ZNF385D: variants seen among roughly 807,000 people sequenced by gnomAD.
The protein encoded by ZNF385D is zinc finger protein 385D.
ZNF385D carries 15 observed loss-of-function variants against 35.8 expected under a neutral mutation model. That is an observed-to-expected ratio of 0.42 (90% CI 0.28 to 0.64). The LOEUF is 0.64. Ranked by LOEUF, ZNF385D falls within the 30% of genes least tolerant of loss-of-function variation. ZNF385D has a pLI of 0.23. For missense variants in ZNF385D, 474 were observed against 494.6 expected (o/e 0.96, Z 0.39); for synonymous variants, 212 against 186.8 (o/e 1.13, Z -1.10).
At chr3:21,600,676 CAAAA>C (rs775024971) in intron 2 of ZNF385D, among the ~76,000 whole-genome samples, 12 of 150,882 alleles carry the variant, frequency 8.0e-5, no homozygotes, top group Admixed American at 4.0e-4. Flanking sequence ...CCTAACAAAA[CAAAA>C]AAACACACAG....
At chr3:22,008,355 A>ATTTTAATTTTT (rs1231585708) in intron 3 of ZNF385D, among the ~76,000 whole-genome samples, 2 of 59,708 alleles carry the variant, frequency 3.3e-5, no homozygotes, top group African/African-American at 9.7e-5. Context: ...ACAGGCCATG[A>ATTTTAATTTTT]TTTTCTTTTT....
At position 22,328,941 on chromosome 3, in the gene ZNF385D, G is replaced by A. The variant is rs533783443; in HGVS notation, c.106+43509C>T. On this transcript the variant is annotated intron_variant, in intron 2 of 5. Transcript: ENST00000494108. ...ATACAAAAAAAATTAGCTGGGCGTG[G>A]TAGCGGGCGCCTGTAGTCCCACCTA... Among the ~76,000 whole-genome samples the A allele has an allele frequency of 7.9e-5, 12 of 152,058 alleles. No individual in the cohort carries two copies. In the South Asian group the frequency reaches 1.2e-3, roughly 16 times the overall value.
At chr3:21,884,452 T>G (rs1355372341) in intron 3 of ZNF385D, among the ~76,000 whole-genome samples, 1 of 152,070 alleles carries the variant, frequency 6.6e-6, no homozygotes, top group East Asian at 1.9e-4. Flanking sequence ...TGCTATTAAG[T>G]TGGTTCTTGA....
chr3:21,442,613 A>G (rs937405973), intron 4 of ZNF385D, among the ~76,000 whole-genome samples: 127 of 151,664 alleles, frequency 8.4e-4, no homozygotes, highest in African/African-American at 2.9e-3. Context: ...TCTTAGACCC[A>G]GGCAGGAATG....
intron 2 of ZNF385D, among the ~76,000 whole-genome samples, chr3:21,647,469 G>A (rs1342603452): frequency 6.8e-6 from 1 of 147,130 alleles, no homozygotes; most frequent in South Asian, 2.1e-4. Context: ...CACTCTCCCT[G>A]TCTCCTTCCT....
At chr3:22,160,574 G>C (rs1050102371) in intron 3 of ZNF385D, among the ~76,000 whole-genome samples, 1 of 152,122 alleles carries the variant, frequency 6.6e-6, no homozygotes, top group East Asian at 1.9e-4. Context: ...AAAGAAAAAA[G>C]AATAGATCAG....
At chr3:21,994,425 C>G (rs139499479) in intron 3 of ZNF385D, among the ~76,000 whole-genome samples, 50 of 152,202 alleles carry the variant, frequency 3.3e-4, no homozygotes, top group African/African-American at 1.1e-3. Flanking sequence ...ATTTCTTATT[C>G]AGATAATGAA....
At chr3:22,276,452 C>T (rs186731713) in intron 2 of ZNF385D, among the ~76,000 whole-genome samples, 109 of 152,098 alleles carry the variant, frequency 7.2e-4, no homozygotes, top group African/African-American at 2.6e-3. Context: ...AGTTATAAGT[C>T]CTGCATCTGA....
chr3:21,871,977 A>G (rs1004197479), intron 3 of ZNF385D, among the ~76,000 whole-genome samples: 1 of 152,144 alleles, frequency 6.6e-6, no homozygotes, highest in African/African-American at 2.4e-5. Flanking sequence ...AGCCTGGGCA[A>G]CAAAGAGCGA....
chr3:21,847,410 G>A (rs1407791621), intron 3 of ZNF385D, among the ~76,000 whole-genome samples: 1 of 151,980 alleles, frequency 6.6e-6, no homozygotes, highest in African/African-American at 2.4e-5. Flanking sequence ...CATTGATAAG[G>A]CTGCACCAAT....
intron 3 of ZNF385D, among the ~76,000 whole-genome samples, chr3:22,104,952 T>C (rs1702127874): frequency 6.6e-6 from 1 of 152,076 alleles, no homozygotes; most frequent in Non-Finnish European, 1.5e-5. Flanking sequence ...TTGTTGCAAC[T>C]TGCCACAACG....
At chr3:21,730,207 C>T (rs896262699) in intron 1 of ZNF385D, among the ~76,000 whole-genome samples, 3 of 152,168 alleles carry the variant, frequency 2.0e-5, no homozygotes, top group African/African-American at 7.2e-5. Context: ...GGATCAAAAT[C>T]ATTTCTCAGC....
At chr3:21,506,518 A>G (rs1260038856) in intron 4 of ZNF385D, among the ~76,000 whole-genome samples, 2 of 152,186 alleles carry the variant, frequency 1.3e-5, no homozygotes, top group Non-Finnish European at 2.9e-5. Context: ...GACAAATCTG[A>G]ATTTGTCATT....
intron 3 of ZNF385D, among the ~76,000 whole-genome samples, chr3:21,842,288 A>G (rs975520989): frequency 6.6e-6 from 1 of 151,932 alleles, no homozygotes; most frequent in East Asian, 1.9e-4. Context: ...AATACCTCTC[A>G]TTTTGAATAT....
intron 1 of ZNF385D, among the ~76,000 whole-genome samples, chr3:21,671,166 G>A (rs1291115955): frequency 6.6e-6 from 1 of 151,984 alleles, no homozygotes; most frequent in Admixed American, 6.6e-5. Context: ...ACCTCTTTCA[G>A]CATAAATTCC....
At chr3:22,181,526 C>G (rs1321582220) in intron 2 of ZNF385D, among the ~76,000 whole-genome samples, 1 of 151,982 alleles carries the variant, frequency 6.6e-6, no homozygotes, top group African/African-American at 2.4e-5. Flanking sequence ...GAAACCCCCT[C>G]TCTACTAAAC....
intron 3 of ZNF385D, among the ~76,000 whole-genome samples, chr3:22,123,054 A>G (rs1383785429): frequency 6.6e-6 from 1 of 152,174 alleles, no homozygotes; most frequent in African/African-American, 2.4e-5. Flanking sequence ...CTTTCCTTTG[A>G]GCAAAAGAAG....
chr3:21,772,913 G>A (rs1254566671), intron 3 of ZNF385D, among the ~76,000 whole-genome samples: 1 of 151,832 alleles, frequency 6.6e-6, no homozygotes, highest in African/African-American at 2.4e-5. Context: ...CTGCAACATA[G>A]AAGAATCTTG....
chr3:21,510,349 T>C (rs1052539052), intron 4 of ZNF385D, among the ~76,000 whole-genome samples: 4 of 152,166 alleles, frequency 2.6e-5, no homozygotes, highest in African/African-American at 9.7e-5. Context: ...GAGGGAAGGT[T>C]ACCCAGCCAT....
Sources: gnomAD v4.1 joint callset for allele counts (sites outside exome capture counted in the v4.1 genomes callset) on GRCh38, gnomAD v4.1.1 for gene constraint, MANE v1.5 for transcripts, NCBI Gene and HGNC (gene_info 2026-07-23, HGNC 2026-07-21) for gene names.